Variants in UNC45A observed in about 807,000 individuals in gnomAD.
The protein encoded by UNC45A is unc-45 myosin chaperone A, also known as protein unc-45 homolog A.
A neutral mutation model predicts 103.2 loss-of-function variants in UNC45A; 78 were observed. The observed-to-expected ratio is 0.76, with a 90% confidence interval of 0.63 to 0.91. UNC45A has a LOEUF of 0.91. Ranked by LOEUF, UNC45A falls within the 40% of genes least tolerant of loss-of-function variation. The pLI is 0.00. For synonymous variants in UNC45A, 495 were observed against 504.6 expected, an observed-to-expected ratio of 0.98 and a Z score of 0.25; for missense variants, 1,193 against 1,224.8, an observed-to-expected ratio of 0.97 and a Z score of 0.39.
At position 90,950,187 on chromosome 15, in the gene UNC45A, G is replaced by A. The variant is rs914578454; in HGVS notation, c.2107G>A (p.Val703Met). ...CCCGCTGGCCCTGGAAGGCACGGAC[G>A]TGGGGCAGACAAAGGCAGCCCAGGC... ...LIPLALEGTDVGQTKAAQALA... is the reference protein window; with the variant it reads ...LIPLALEGTDMGQTKAAQALA... Residue 703 changes from valine (V) to methionine (M), a missense_variant, in exon 16 of 20, where the codon GTG becomes ATG. By Grantham distance (21) the Val-to-Met change is conservative. Transcript: ENST00000418476. The A allele has an allele frequency of 6.4e-6, 10 of 1,551,564 alleles. 1 individual carries two copies. The highest frequency in any genetic ancestry group is 1.7e-4 in the Middle Eastern group (1 of 5,984).
At chr15:90,932,184 C>T (rs953716929), upstream of UNC45A, 13 of 1,458,420 alleles carry the variant, frequency 8.9e-6, no homozygotes, top group Middle Eastern at 2.1e-4. Context: ...TTTTGGAGAG[C>T]CAGATGTGGC....
chr15:90,933,763 C>T (rs2035886554), upstream of UNC45A: 1 of 327,454 alleles, frequency 3.1e-6, no homozygotes, highest in Admixed American at 4.9e-5. Context: ...ACTAATGGCT[C>T]AGCTGCTCTC....
chr15:90,939,867 C>G lies in UNC45A; in HGVS notation c.519+44C>G, dbSNP rs148632353. 714 of 1,585,306 alleles carry G rather than the reference C, an allele frequency of 4.5e-4. 4 individuals are homozygous for G. In the African/African-American group the frequency reaches 8.5e-3, roughly 19 times the overall value. ...GTCAGTGAGTGAGCTCCCACTAGAGCCACCCATCCATAGGCCCCCGAAGCC... is the reference window on the plus strand; with the variant it reads ...GTCAGTGAGTGAGCTCCCACTAGAGGCACCCATCCATAGGCCCCCGAAGCC... On this transcript the variant is annotated intron_variant, in intron 5 of 19. Transcript: ENST00000418476.
upstream of UNC45A, chr15:90,934,583 C>G: frequency 2.5e-6 from 1 of 398,970 alleles, no homozygotes. Flanking sequence ...ACTGGAACAT[C>G]GACAGGGTGT....
At chr15:90,936,484 G>A in intron 4 of UNC45A, 24 bp downstream of exon 4, 2 of 1,611,318 alleles carry the variant, frequency 1.2e-6, no homozygotes, top group South Asian at 2.2e-5. Flanking sequence ...CCAGAGAGGT[G>A]GAAGCATTGA....
chr15:90,953,059 C>T lies in UNC45A; in HGVS notation c.2421+13C>T, dbSNP rs747084864. On this transcript the variant is annotated intron_variant, in intron 18 of 19. Coordinates refer to ENST00000418476, the MANE Select transcript of UNC45A (RefSeq NM_018671.5). ...CATGAGCAAGGAGGTGAGGGTTGGT[C>T]TGGGTGCTCATGACAGGCGGGGATG... 2 of 1,613,510 alleles carry T rather than the reference C, an allele frequency of 1.2e-6. No homozygotes were observed. The highest frequency in any genetic ancestry group is 1.7e-6 in the Non-Finnish European group (2 of 1,180,010).
chr15:90,942,848 A>C, intron 7 of UNC45A, 64 bp from the exon 8 acceptor site: 1 of 1,540,262 alleles, frequency 6.5e-7, no homozygotes, highest in Non-Finnish European at 8.8e-7. Context: ...TTGTTGGAGA[A>C]GTTGAAGGGT....
Position 90,948,228 on chromosome 15 carries a change from A to C in UNC45A, c.1682A>C (p.Lys561Thr). The C allele has an allele frequency of 6.2e-7, 1 of 1,614,126 alleles. No individual in the cohort carries two copies. The highest frequency in any genetic ancestry group is 1.1e-5 in the South Asian group (1 of 91,080). Residue 561 changes from lysine to threonine, a missense_variant, in exon 12 of 20, where the codon AAG becomes ACG. Coordinates refer to ENST00000418476, the MANE Select transcript of UNC45A (RefSeq NM_018671.5). ...TACCTGACCTTTGATGCCGACGTGA[A>C]GGAAGAGTTTGTGGAGGATGCGGCT... Reference protein sequence around the residue: ...LAYLTFDADVKEEFVEDAAAL... With the variant: ...LAYLTFDADVTEEFVEDAAAL...
intron 10 of UNC45A, chr15:90,947,185 T>C (rs540686535): frequency 2.2e-6 from 1 of 453,286 alleles, no homozygotes; most frequent in East Asian, 3.6e-5. Context: ...AGACCCTCTC[T>C]AAAATAAATG....
intron 10 of UNC45A, 84 bp downstream of exon 10, chr15:90,946,998 A>C (rs746714867): frequency 2.0e-6 from 3 of 1,491,172 alleles, no homozygotes; most frequent in Admixed American, 2.0e-5. Flanking sequence ...TGGCCCCAGC[A>C]CACTCCAGAT....
At chr15:90,937,678 C>A (rs962363061) in intron 4 of UNC45A, among the ~76,000 whole-genome samples, 1 of 151,814 alleles carries the variant, frequency 6.6e-6, no homozygotes, top group African/African-American at 2.4e-5. Context: ...AGTAGAGATG[C>A]GGTTTCACTG....
At chr15:90,948,365 A>G (rs1304518205) in intron 12 of UNC45A, 82 bp downstream of exon 12, 5 of 1,575,654 alleles carry the variant, frequency 3.2e-6, no homozygotes, top group Non-Finnish European at 4.3e-6. Context: ...GGGCTTGGCC[A>G]ATGGGGTCTT....
chr15:90,953,126 C>T, intron 18 of UNC45A, 29 bp from the exon 19 acceptor site: 1 of 1,613,010 alleles, frequency 6.2e-7, no homozygotes. Flanking sequence ...ACCCAACTGA[C>T]TTGGTCCACT....
Position 90,946,788 on chromosome 15 carries a change from G to A in UNC45A, c.1374G>A (p.Val458=), listed in dbSNP as rs2036594363. The A allele has an allele frequency of 5.6e-6, 9 of 1,614,126 alleles. No individual in the cohort carries two copies. The highest frequency in any genetic ancestry group is 6.8e-6 in the Non-Finnish European group (8 of 1,180,054). ...SEQEEEQLVA[V]EALIHAAGKA... ...AGGAGGAGGAGCAGCTGGTGGCCGTGGAGGCTCTGATCCATGCAGCCGGCA... is the reference window on the plus strand; with the variant it reads ...AGGAGGAGGAGCAGCTGGTGGCCGTAGAGGCTCTGATCCATGCAGCCGGCA... The change falls in exon 10 of 20, where the codon GTG becomes GTA. Residue 458 remains valine (V), a synonymous_variant. Transcript: ENST00000418476.
At chr15:90,948,577 G>A (rs944651770) in intron 12 of UNC45A, 77 bp from the exon 13 acceptor site, 33 of 1,565,318 alleles carry the variant, frequency 2.1e-5, no homozygotes, top group Middle Eastern at 3.6e-4. Flanking sequence ...GGAATTGGGG[G>A]CCTGGGCCTG....
At chr15:90,932,460 G>A, upstream of UNC45A, 2 of 1,334,732 alleles carry the variant, frequency 1.5e-6, no homozygotes, top group Non-Finnish European at 9.6e-7. Context: ...GGGTCCCCTC[G>A]GGGTCCTTCC....
At chr15:90,953,406 G>A in intron 19 of UNC45A, 53 bp from the exon 20 acceptor site, 2 of 1,603,644 alleles carry the variant, frequency 1.2e-6, no homozygotes, top group Non-Finnish European at 1.7e-6. Context: ...TGTGTCCCTT[G>A]CCAAGGTTGA....
Position 90,952,923 on chromosome 15 carries a change from C to G in UNC45A, c.2304-6C>G, listed in dbSNP as rs750219731. 36 of 1,611,734 alleles carry G rather than the reference C, an allele frequency of 2.2e-5. No individual in the cohort carries two copies. In the South Asian group the frequency reaches 3.6e-4, roughly 16 times the overall value. ...ATCCCTGCTGCTTCCTCCTGTGGCC[C>G]TGCAGGCAGAAGATCCTGAAGGAGA... On this transcript the variant is annotated splice_polypyrimidine_tract_variant and splice_region_variant and intron_variant, in intron 17 of 19. Transcript: ENST00000418476.
At chr15:90,943,239 C>A in intron 8 of UNC45A, 157 bp downstream of exon 8, 3 of 933,112 alleles carry the variant, frequency 3.2e-6, no homozygotes, top group Non-Finnish European at 3.1e-6. Flanking sequence ...TCAGCCTGGG[C>A]AACATAGCGA....
Sources: gnomAD v4.1 joint callset for allele counts (sites outside exome capture counted in the v4.1 genomes callset) on GRCh38, gnomAD v4.1.1 for gene constraint, MANE v1.5 for transcripts, NCBI Gene and HGNC (gene_info 2026-07-23, HGNC 2026-07-21) for gene names.